PCDHA1: variants seen among roughly 807,000 people sequenced by gnomAD.
The protein encoded by PCDHA1 is protocadherin alpha-1.
In PCDHA1, 42 loss-of-function variants were observed where a neutral mutation model predicts 61.3. The observed-to-expected ratio is 0.69, with a 90% CI of 0.54 to 0.89. The LOEUF (loss-of-function observed/expected upper bound fraction) is 0.89. PCDHA1 is among the 40% of genes least tolerant of loss of function. The probability of loss-of-function intolerance (pLI) is 0.00; values close to 1 mark genes in which losing one functional copy is unlikely to be tolerated. For synonymous variants in PCDHA1, 610 were observed against 553.8 expected, an observed-to-expected ratio of 1.10 and a Z score of -1.43; for missense variants, 1,256 against 1,235.3, an observed-to-expected ratio of 1.02 and a Z score of -0.25.
At chr5:140,933,863 A>G (rs2089469278) in intron 1 of PCDHA1, among the ~76,000 whole-genome samples, 1 of 151,666 alleles carries the variant, frequency 6.6e-6, no homozygotes, top group Non-Finnish European at 1.5e-5. Context: ...ATTTTTTCAG[A>G]TATATGTTAG....
At chr5:140,808,287 C>T in intron 1 of PCDHA1, 2 of 1,614,268 alleles carry the variant, frequency 1.2e-6, no homozygotes, top group Non-Finnish European at 1.7e-6. Flanking sequence ...CCACTGGGTA[C>T]AGTCATCGCC....
intron 1 of PCDHA1, chr5:140,831,345 A>G (rs1554133179): frequency 1.4e-5 from 2 of 142,358 alleles, no homozygotes; most frequent in African/African-American, 5.3e-5. Flanking sequence ...AGTAATTTAA[A>G]CTATTCACTA....
At chr5:140,815,273 C>T (rs2126662792) in intron 1 of PCDHA1, 88,389 of 151,918 alleles carry the variant, frequency 0.58, 26,490 homozygotes, top group African/African-American at 0.73. Flanking sequence ...CCTCTTTCCT[C>T]CTCTTACTGT....
In PCDHA1 at chr5:140,802,923, G is replaced by T. The variant is rs782417048; in HGVS notation, c.2394+14239G>T. On this transcript the variant is annotated intron_variant, in intron 1 of 3. Coordinates refer to ENST00000504120, the MANE Select transcript of PCDHA1 (RefSeq NM_018900.4). The stretch of plus-strand genomic sequence containing the variant: ...GCCTCGGGTGGGTGGCATCGGTGGC[G>T]CAGTGAGCGAGCTGGTGCCGCGGTC... 18 of 1,613,664 alleles carry T rather than the reference G, an allele frequency of 1.1e-5. No individual in the cohort carries two copies. Among genetic ancestry groups the T allele is most frequent in the Admixed American group, 3.3e-5 (2 of 59,990 alleles).
chr5:140,980,684 G>GAA (rs782726576), intron 2 of PCDHA1, among the ~76,000 whole-genome samples: 2 of 145,064 alleles, frequency 1.4e-5, no homozygotes, highest in African/African-American at 5.1e-5. Context: ...TTTTCAAATT[G>GAA]AAAAAAAAAA....
chr5:140,858,817 G>A (rs1212820522), intron 1 of PCDHA1: 1 of 345,356 alleles, frequency 2.9e-6, no homozygotes, highest in Non-Finnish European at 5.3e-6. Context: ...TGATTTGATT[G>A]TATTTGCATT....
rs371283858 is a variant in PCDHA1 at position 140,808,405 on chromosome 5, G to C, written c.2394+19721G>C. ...TGTCCACCTTCAAGAATTACTACTC[G>C]TTGGTGCTGGACAGTGCCCTGGACC... On this transcript the variant is annotated intron_variant, in intron 1 of 3. Coordinates refer to ENST00000504120, the MANE Select transcript of PCDHA1 (RefSeq NM_018900.4). The C allele has an allele frequency of 5.0e-6, 8 of 1,614,044 alleles. No individual in the cohort carries two copies. In the African/African-American group the frequency reaches 6.7e-5, roughly 13 times the overall value.
intron 1 of PCDHA1, chr5:140,812,217 A>AT (rs1435188779): frequency 6.6e-6 from 1 of 151,494 alleles, no homozygotes; most frequent in Non-Finnish European, 1.5e-5. Context: ...CTTTGTTTAG[A>AT]TTTTTTATGA....
In PCDHA1 at chr5:140,822,529, G is replaced by A. The variant is rs2150117025; in HGVS notation, c.2394+33845G>A. On this transcript the variant is annotated intron_variant, in intron 1 of 3. Coordinates refer to ENST00000504120, the MANE Select transcript of PCDHA1 (RefSeq NM_018900.4). ...ATCCATTTATAATGTCAGATTGTTGGAAAATGCACCAAGTGGGACATTAGT... is the reference window on the plus strand; with the variant it reads ...ATCCATTTATAATGTCAGATTGTTGAAAAATGCACCAAGTGGGACATTAGT... The A allele has an allele frequency of 3.7e-6, 6 of 1,613,816 alleles. No homozygotes were observed. In the East Asian group the frequency reaches 6.7e-5, roughly 18 times the overall value.
In PCDHA1 at chr5:140,843,766, GT is replaced by G. The variant is rs2150366471; in HGVS notation, c.2394+55084del. ...ATAAATTCTATTTGTGGAAATTGTA[GT>G]TACTTTAAAAGTGTTTCAGATTTAG... On this transcript the variant is annotated intron_variant, in intron 1 of 3. Coordinates refer to ENST00000504120, the MANE Select transcript of PCDHA1 (RefSeq NM_018900.4). 2.9e-5 allele frequency: 43 copies of G among 1,487,836 alleles called. 4 individuals carry two copies. Among genetic ancestry groups the G allele is most frequent in the Non-Finnish European group, 3.7e-5 (40 of 1,082,784 alleles). 92.2% of individuals were successfully genotyped at this position (1,487,836 alleles called of 1,614,324 possible). A position where few individuals can be genotyped will look rare whatever the true frequency, so the allele number is the denominator to read the frequency against.
chr5:140,873,548 T>C lies in PCDHA1; in HGVS notation c.2394+84864T>C, dbSNP rs1434309989. ...GCATTCTATGGTATAAAATTATAAT[T>C]TCAATTTATTTTCTAGTTTGGTTGT... On this transcript the variant is annotated intron_variant, in intron 1 of 3. Coordinates refer to ENST00000504120, the MANE Select transcript of PCDHA1 (RefSeq NM_018900.4). Among the ~76,000 whole-genome samples, 5 of 151,990 alleles carry C rather than the reference T, an allele frequency of 3.3e-5. No individual in the cohort carries two copies. In the East Asian group the frequency reaches 7.7e-4, roughly 23 times the overall value.
chr5:140,787,919 G>C lies in PCDHA1; in HGVS notation c.1629G>C (p.Pro543=), dbSNP rs955379252. 5 of 1,613,718 alleles carry C rather than the reference G, an allele frequency of 3.1e-6. No individual in the cohort carries two copies. Among genetic ancestry groups the C allele is most frequent in the Non-Finnish European group, 4.2e-6 (5 of 1,179,906 alleles). Residue 543 remains proline, a synonymous_variant, in exon 1 of 4, where the codon CCG becomes CCC. Transcript: ENST00000504120. ...FQVSARDAGV[P]PLGSNVTLQV... The stretch of plus-strand genomic sequence containing the variant: ...TGAGCGCGCGGGATGCGGGCGTGCC[G>C]CCTCTGGGCAGCAACGTGACGCTGC...
chr5:140,938,477 A>T (rs2092083791), intron 1 of PCDHA1, among the ~76,000 whole-genome samples: 1 of 152,178 alleles, frequency 6.6e-6, no homozygotes, highest in Non-Finnish European at 1.5e-5. Flanking sequence ...TATGTTTTTT[A>T]AAAATCATGA....
chr5:140,924,872 G>A (rs1161649938), intron 1 of PCDHA1, among the ~76,000 whole-genome samples: 2 of 149,350 alleles, frequency 1.3e-5, no homozygotes, highest in South Asian at 2.1e-4. Context: ...TCCAGCCTGG[G>A]TGACAGAGCA....
intron 1 of PCDHA1, among the ~76,000 whole-genome samples, chr5:140,912,343 A>ATT (rs35252606): frequency 2.1e-4 from 30 of 143,908 alleles, no homozygotes; most frequent in African/African-American, 6.1e-4. Context: ...TACACTAAGT[A>ATT]TTTTTTTTTT....
At chr5:140,848,250 C>A in intron 1 of PCDHA1, 1 of 460,454 alleles carries the variant, frequency 2.2e-6, no homozygotes, top group Non-Finnish European at 3.8e-6. Context: ...TGCAGAATAA[C>A]TGTGAAATTT....
intron 1 of PCDHA1, chr5:140,811,534 C>T (rs1764897119): frequency 6.6e-6 from 1 of 151,892 alleles, no homozygotes; most frequent in African/African-American, 2.4e-5. Context: ...AGTAATGGGT[C>T]AAATGGTATT....
intron 1 of PCDHA1, chr5:140,841,711 GC>G (rs2150321418): frequency 1.9e-6 from 3 of 1,613,890 alleles, no homozygotes; most frequent in Non-Finnish European, 1.7e-6. Context: ...ATGACAACCC[GC>G]CAGTGTTCCG....
intron 1 of PCDHA1, among the ~76,000 whole-genome samples, chr5:140,885,862 T>C (rs2060742623): frequency 6.6e-6 from 1 of 152,182 alleles, no homozygotes; most frequent in African/African-American, 2.4e-5. Flanking sequence ...TACTTTTCTA[T>C]TGAAAAAAAA....
Sources: gnomAD v4.1 joint callset for allele counts (sites outside exome capture counted in the v4.1 genomes callset) on GRCh38, gnomAD v4.1.1 for gene constraint, MANE v1.5 for transcripts, NCBI Gene and HGNC (gene_info 2026-07-23, HGNC 2026-07-21) for gene names.